The following GRK3 variants were observed in gnomAD, a reference collection of about 807,000 sequenced individuals.
The protein encoded by GRK3 is G protein-coupled receptor kinase 3.
GRK3 carries 54 observed loss-of-function variants against 95.7 expected under a neutral mutation model. The ratio of observed to expected loss-of-function variants is 0.56; its 90% CI spans 0.45 to 0.71. The LOEUF (loss-of-function observed/expected upper bound fraction) is 0.71, where lower values mean the gene tolerates loss of function less well. Ranked by LOEUF, GRK3 falls within the 30% of genes least tolerant of loss-of-function variation. GRK3 has a pLI of 0.00. For missense variants in GRK3, 649 were observed against 851.2 expected (o/e 0.76, Z 2.96); for synonymous variants, 281 against 290.8 (o/e 0.97, Z 0.34).
intron 1 of GRK3, among the ~76,000 whole-genome samples, chr22:25,571,160 GTGCACCAGAAAGCCAC>G (rs1931687992): frequency 6.6e-6 from 1 of 152,062 alleles, no homozygotes; most frequent in Non-Finnish European, 1.5e-5. Context: ...TCCATCCTTA[GTGCACCAGAAAGCCAC>G]TGTCATTGCT....
chr22:25,618,039 C>T (rs1174675538), intron 2 of GRK3, among the ~76,000 whole-genome samples: 2 of 152,222 alleles, frequency 1.3e-5, no homozygotes, highest in Non-Finnish European at 2.9e-5. Flanking sequence ...TCCCAAAGTG[C>T]TGGGATTACA....
At chr22:25,669,743 A>G (rs956505553) in intron 6 of GRK3, among the ~76,000 whole-genome samples, 1 of 152,216 alleles carries the variant, frequency 6.6e-6, no homozygotes, top group Non-Finnish European at 1.5e-5. Flanking sequence ...TGTTACAGCA[A>G]ATCCATTCTT....
chr22:25,607,526 C>G (rs562276989), intron 2 of GRK3, among the ~76,000 whole-genome samples: 1 of 152,046 alleles, frequency 6.6e-6, no homozygotes, highest in South Asian at 2.1e-4. Flanking sequence ...GTAGAATGTT[C>G]CACGTTCTGG....
intron 2 of GRK3, among the ~76,000 whole-genome samples, chr22:25,623,682 C>T (rs1395061288): frequency 6.6e-6 from 1 of 152,126 alleles, no homozygotes; most frequent in Non-Finnish European, 1.5e-5. Context: ...GGTGTCCTTT[C>T]CTCCCTTTCT....
chr22:25,714,489 G>A lies in GRK3; in HGVS notation c.1573G>A (p.Val525Ile). The change falls in exon 18 of 21, where the codon GTT (valine) becomes ATT (isoleucine). Residue 525 changes from valine (V) to isoleucine (I), a missense_variant. Transcript: ENST00000324198. ...CTGGCAGCAAGAAGTAACGGAAACA[G>A]TTTATGAAGCAGTAAATGCAGACAC... ...ERWQQEVTETVYEAVNADTDK... is the reference protein window; with the variant it reads ...ERWQQEVTETIYEAVNADTDK... The A allele has an allele frequency of 1.2e-6, 2 of 1,613,956 alleles. No individual in the cohort carries two copies. The highest frequency in any genetic ancestry group is 1.7e-6 in the Non-Finnish European group (2 of 1,179,928).
chr22:25,660,579 G>A (rs1013754342), intron 3 of GRK3, among the ~76,000 whole-genome samples: 2 of 152,114 alleles, frequency 1.3e-5, no homozygotes, highest in African/African-American at 4.8e-5. Flanking sequence ...GCATGACTGT[G>A]CCCTTATCTT....
chr22:25,620,001 C>CTTTT (rs34132299), intron 2 of GRK3, among the ~76,000 whole-genome samples: 2,879 of 105,130 alleles, frequency 0.027, 71 homozygotes, highest in African/African-American at 0.05. Context: ...TTTCCTTTGT[C>CTTTT]TTTTTTGTGT....
At chr22:25,659,592 T>G (rs1399944975) in intron 3 of GRK3, among the ~76,000 whole-genome samples, 1 of 152,220 alleles carries the variant, frequency 6.6e-6, no homozygotes, top group Non-Finnish European at 1.5e-5. Flanking sequence ...CCAGGTTACC[T>G]GGACAACCAA....
intron 13 of GRK3, among the ~76,000 whole-genome samples, chr22:25,700,426 AG>A (rs1248407833): frequency 1.3e-5 from 2 of 152,174 alleles, no homozygotes; most frequent in African/African-American, 4.8e-5. Context: ...TGGAGTTGTC[AG>A]ACATGAGGGA....
intron 13 of GRK3, among the ~76,000 whole-genome samples, chr22:25,697,553 G>C (rs926547146): frequency 1.3e-5 from 2 of 152,206 alleles, no homozygotes; most frequent in African/African-American, 4.8e-5. Context: ...AGCTAGAAAT[G>C]ATGGCCTCCG....
intron 3 of GRK3, among the ~76,000 whole-genome samples, chr22:25,649,993 GAT>G (rs2084817037): frequency 7.3e-6 from 1 of 137,466 alleles, no homozygotes; most frequent in Non-Finnish European, 1.5e-5. Context: ...AGGTTGCATT[GAT>G]TTTTTTTTTT....
At chr22:25,685,148 A>G in intron 9 of GRK3, 22 bp from the exon 10 acceptor site, 1 of 1,571,508 alleles carries the variant, frequency 6.4e-7, no homozygotes, top group East Asian at 2.2e-5. Context: ...TCTTCTTATA[A>G]ACTTTTATTG....
chr22:25,609,477 A>T (rs1230197233), intron 2 of GRK3, among the ~76,000 whole-genome samples: 1 of 151,988 alleles, frequency 6.6e-6, no homozygotes, highest in Non-Finnish European at 1.5e-5. Context: ...GATTACAGTC[A>T]TGTGCCACCA....
chr22:25,686,166 G>A (rs376936518), intron 10 of GRK3, among the ~76,000 whole-genome samples: 59 of 151,354 alleles, frequency 3.9e-4, no homozygotes, highest in African/African-American at 1.4e-3. Context: ...AGCTTGCAGT[G>A]AGCCAAGATT....
chr22:25,708,389 G>A (rs2085316974), intron 15 of GRK3, among the ~76,000 whole-genome samples: 1 of 152,160 alleles, frequency 6.6e-6, no homozygotes, highest in African/African-American at 2.4e-5. Context: ...AGTGCGGAGA[G>A]GGCTGTGTTA....
chr22:25,692,666 G>T (rs1369274607), intron 12 of GRK3, among the ~76,000 whole-genome samples: 1 of 152,210 alleles, frequency 6.6e-6, no homozygotes, highest in Non-Finnish European at 1.5e-5. Flanking sequence ...TTCACGGAAA[G>T]CCCATGTATT....
intron 2 of GRK3, among the ~76,000 whole-genome samples, chr22:25,629,652 T>C (rs2146366615): frequency 6.6e-6 from 1 of 152,324 alleles, no homozygotes; most frequent in South Asian, 2.1e-4. Flanking sequence ...CCAGTGCATT[T>C]GCATGGTAGA....
At chr22:25,663,088 G>A (rs1210261405) in intron 4 of GRK3, among the ~76,000 whole-genome samples, 5 of 152,088 alleles carry the variant, frequency 3.3e-5, no homozygotes, top group Non-Finnish European at 7.4e-5. Flanking sequence ...TTATCAGTTT[G>A]TTGATGAATG....
intron 13 of GRK3, among the ~76,000 whole-genome samples, chr22:25,700,785 C>A (rs2085252647): frequency 6.6e-6 from 1 of 152,130 alleles, no homozygotes; most frequent in South Asian, 2.1e-4. Context: ...ACGGGTTTCA[C>A]CTTGTTAGCC....
Sources: gnomAD v4.1 joint callset for allele counts (sites outside exome capture counted in the v4.1 genomes callset) on GRCh38, gnomAD v4.1.1 for gene constraint, MANE v1.5 for transcripts, NCBI Gene and HGNC (gene_info 2026-07-23, HGNC 2026-07-21) for gene names.